Variants in ITCH observed in about 807,000 individuals in gnomAD.
The protein encoded by ITCH is itchy E3 ubiquitin protein ligase.
ITCH carries 28 observed loss-of-function variants against 126.8 expected under a neutral mutation model. That is an observed-to-expected ratio of 0.22 (90% CI 0.16 to 0.30). ITCH has a LOEUF of 0.30. Among genes scored for constraint, ITCH ranks in the 10% least tolerant of loss-of-function variants. The pLI is 1.00. For missense variants in ITCH, 631 were observed against 1,032.4 expected, an observed-to-expected ratio of 0.61 and a Z score of 5.33; for synonymous variants, 342 against 340.0, an observed-to-expected ratio of 1.01 and a Z score of -0.06.
intron 12 of ITCH, among the ~76,000 whole-genome samples, chr20:34,451,304 AAAG>A (rs1413613238): frequency 2.0e-5 from 3 of 152,004 alleles, no homozygotes; most frequent in East Asian, 3.9e-4. Context: ...AAAAAAAAAA[AAAG>A]AAATTAGCCA....
intron 14 of ITCH, among the ~76,000 whole-genome samples, chr20:34,468,925 A>G (rs915772217): frequency 2.0e-5 from 3 of 152,242 alleles, no homozygotes; most frequent in Non-Finnish European, 4.4e-5. Context: ...AAAAATTACT[A>G]GAACTAGTAA....
At chr20:34,453,369 TG>T (rs1205826078) in intron 12 of ITCH, among the ~76,000 whole-genome samples, 34 of 152,202 alleles carry the variant, frequency 2.2e-4, no homozygotes, top group African/African-American at 7.5e-4. Context: ...CCCAGTACTT[TG>T]GGAGGCCAAG....
chr20:34,470,840 T>G (rs1424776616), intron 15 of ITCH, among the ~76,000 whole-genome samples: 1 of 152,214 alleles, frequency 6.6e-6, no homozygotes, highest in African/African-American at 2.4e-5. Flanking sequence ...CTGCCTCATC[T>G]TCCCCAAGTG....
chr20:34,376,455 AATAC>A (rs1033418743), intron 2 of ITCH, among the ~76,000 whole-genome samples: 22 of 103,986 alleles, frequency 2.1e-4, no homozygotes, highest in Admixed American at 5.0e-4. Flanking sequence ...CTCAAAAATA[AATAC>A]ATAAATAAAT....
intron 2 of ITCH, among the ~76,000 whole-genome samples, chr20:34,374,439 A>T (rs981554654): frequency 6.6e-6 from 1 of 152,208 alleles, no homozygotes; most frequent in Middle Eastern, 3.2e-3. Flanking sequence ...TAGTAATAGC[A>T]TATATACATA....
chr20:34,375,321 G>T (rs908173617), intron 2 of ITCH, among the ~76,000 whole-genome samples: 16 of 151,210 alleles, frequency 1.1e-4, no homozygotes, highest in African/African-American at 3.9e-4. Flanking sequence ...GATTACAGGC[G>T]TGAGCCACCG....
intron 4 of ITCH, among the ~76,000 whole-genome samples, chr20:34,409,355 G>C (rs971316632): frequency 6.6e-6 from 1 of 151,760 alleles, no homozygotes; most frequent in African/African-American, 2.4e-5. Flanking sequence ...ACTGTGCCTG[G>C]CCAGTTTTTT....
intron 16 of ITCH, among the ~76,000 whole-genome samples, chr20:34,475,408 C>T (rs1284980430): frequency 7.2e-5 from 11 of 152,146 alleles, no homozygotes; most frequent in African/African-American, 2.2e-4. Context: ...ATCCCGGCAC[C>T]TCGGGAGGCC....
At chr20:34,432,363 C>T (rs896089158) in intron 7 of ITCH, among the ~76,000 whole-genome samples, 1 of 151,784 alleles carries the variant, frequency 6.6e-6, no homozygotes, top group African/African-American at 2.4e-5. Flanking sequence ...AATATTTAAC[C>T]AATATGAGAT....
chr20:34,415,418 G>A (rs2146182674), intron 6 of ITCH, among the ~76,000 whole-genome samples: 2 of 151,906 alleles, frequency 1.3e-5, no homozygotes. Context: ...AATTTGCCAT[G>A]TGTGTGGCAC....
intron 12 of ITCH, among the ~76,000 whole-genome samples, chr20:34,453,359 C>G (rs539305552): frequency 1.3e-5 from 2 of 152,252 alleles, no homozygotes; most frequent in South Asian, 4.2e-4. Context: ...CGCCTGTAAT[C>G]CCAGTACTTT....
chr20:34,481,121 A>G lies in ITCH; in HGVS notation c.2008A>G (p.Ile670Val). ...AATGTACTTCTCCGTTGACAAAGAA[A>G]TTCTAGGTGAAATTAAGAGTCATGA... Reference protein sequence around the residue: ...LEMYFSVDKEILGEIKSHDLK... With the variant: ...LEMYFSVDKEVLGEIKSHDLK... The change falls in exon 20 of 25, where the codon ATT becomes GTT. Residue 670 changes from isoleucine to valine, a missense_variant. Transcript: ENST00000374864. The G allele has an allele frequency of 6.2e-7, 1 of 1,613,484 alleles. No homozygotes were observed. Among genetic ancestry groups the G allele is most frequent in the Non-Finnish European group, 8.5e-7 (1 of 1,179,568 alleles).
At chr20:34,375,741 T>C (rs973137164) in intron 2 of ITCH, among the ~76,000 whole-genome samples, 1 of 138,610 alleles carries the variant, frequency 7.2e-6, no homozygotes, top group East Asian at 2.3e-4. Flanking sequence ...TACCAGTTGC[T>C]GTGGCTCACT....
chr20:34,498,796 T>C (rs937315178), intron 23 of ITCH, among the ~76,000 whole-genome samples: 6 of 152,050 alleles, frequency 3.9e-5, no homozygotes, highest in Non-Finnish European at 8.8e-5. Context: ...TTTTTTGTTT[T>C]TGTTTCTTGT....
rs574083139 is a variant in ITCH at position 34,489,323 on chromosome 20, T to C, written c.2151T>C (p.Phe717=). 6.2e-7 allele frequency: 1 copy of C among 1,611,374 alleles called. No homozygotes were observed. The highest frequency in any genetic ancestry group is 8.5e-7 in the Non-Finnish European group (1 of 1,177,676). ...RGVEEQTQAF[F]EGFNEILPQQ... ...TTGAAGAACAGACACAAGCTTTCTT[T>C]GAAGGCTTTAATGAAATTCTTCCCC... Residue 717 remains phenylalanine (F), a synonymous_variant, in exon 21 of 25, where the codon TTT becomes TTC. Transcript: ENST00000374864.
intron 12 of ITCH, among the ~76,000 whole-genome samples, chr20:34,451,552 G>A (rs1036734255): frequency 2.6e-5 from 4 of 152,210 alleles, no homozygotes; most frequent in African/African-American, 9.6e-5. Context: ...TGAAGCCTAA[G>A]AGTGGTCAGT....
At chr20:34,449,322 G>A in intron 11 of ITCH, 89 bp from the exon 12 acceptor site, 5 of 765,554 alleles carry the variant, frequency 6.5e-6, no homozygotes, top group African/African-American at 1.7e-5. Context: ...GTTATACATT[G>A]CCAGGGAAGG....
At chr20:34,415,889 C>T (rs180996238) in intron 6 of ITCH, among the ~76,000 whole-genome samples, 38 of 151,820 alleles carry the variant, frequency 2.5e-4, no homozygotes, top group Admixed American at 1.7e-3. Flanking sequence ...TTTGGGAGGC[C>T]GAGGTGGGCT....
intron 20 of ITCH, among the ~76,000 whole-genome samples, chr20:34,485,687 G>T (rs372022736): frequency 1.3e-5 from 2 of 151,204 alleles, no homozygotes; most frequent in African/African-American, 4.8e-5. Context: ...GATACGTCTA[G>T]ATTTCGTTCT....
Sources: gnomAD v4.1 joint callset for allele counts (sites outside exome capture counted in the v4.1 genomes callset) on GRCh38, gnomAD v4.1.1 for gene constraint, MANE v1.5 for transcripts, NCBI Gene and HGNC (gene_info 2026-07-23, HGNC 2026-07-21) for gene names.